SH2D4B: variants seen among roughly 807,000 people sequenced by gnomAD.
SH2D4B encodes the protein SH2 domain-containing protein 4B.
Under a neutral mutation model 61.5 loss-of-function variants are expected in SH2D4B, and 45 were observed. That is an observed-to-expected ratio of 0.73 (90% CI 0.58 to 0.94). The LOEUF is 0.94. Among genes scored for constraint, SH2D4B ranks in the 40% least tolerant of loss-of-function variants. The pLI is 0.00. For synonymous variants in SH2D4B, 224 were observed against 220.4 expected (o/e 1.02, Z -0.14); for missense variants, 572 against 574.2 (o/e 1.00, Z 0.04).
chr10:80,537,921 C>T lies in SH2D4B; in HGVS notation c.-411C>T, dbSNP rs975990443. 3 of 153,662 alleles carry T rather than the reference C, an allele frequency of 2.0e-5. No individual in the cohort carries two copies. The highest frequency in any genetic ancestry group is 7.2e-5 in the African/African-American group (3 of 41,538). 9.5% of individuals were successfully genotyped at this position (153,662 alleles called of 1,614,324 possible). A position where few individuals can be genotyped will look rare whatever the true frequency, so the allele number is the denominator to read the frequency against. On this transcript the variant is annotated 5_prime_UTR_variant, in exon 1 of 8. Coordinates refer to ENST00000646907, the MANE Select transcript of SH2D4B (RefSeq NM_001388272.1). ...CCTTCCACTAACAGATCACTCGACA[C>T]CTACCAGCCCAGGCAGGGCTGGGAC...
Position 80,540,756 on chromosome 10 carries a change from A to T in SH2D4B, c.184+2241A>T, listed in dbSNP as rs939495806. On this transcript the variant is annotated intron_variant, in intron 1 of 7. Coordinates refer to ENST00000646907, the MANE Select transcript of SH2D4B (RefSeq NM_001388272.1). ...GAATGGGGCAGTGCTTGTCCTGGAGACGGTGGGTAGATGGATCATAGGGAA... is the reference window on the plus strand; with the variant it reads ...GAATGGGGCAGTGCTTGTCCTGGAGTCGGTGGGTAGATGGATCATAGGGAA... 4 of 1,445,444 alleles carry T rather than the reference A, an allele frequency of 2.8e-6. No homozygotes were observed. The Admixed American group carries it at 6.1e-5, about 22-fold the overall frequency. The allele number at this position is 1,445,444 out of a possible 1,614,324, so 89.5% of individuals were successfully genotyped here.
At chr10:80,571,080 G>T (rs1842036202) in intron 2 of SH2D4B, among the ~76,000 whole-genome samples, 1 of 151,986 alleles carries the variant, frequency 6.6e-6, no homozygotes, top group Non-Finnish European at 1.5e-5. Context: ...ACACTATGTT[G>T]CCCAGGCTGG....
At chr10:80,627,543 C>G (rs1191157099) in intron 6 of SH2D4B, among the ~76,000 whole-genome samples, 2 of 152,060 alleles carry the variant, frequency 1.3e-5, no homozygotes, top group African/African-American at 4.8e-5. Flanking sequence ...GGCTCCAGAA[C>G]TGGGTGGGGT....
chr10:80,638,761 A>G (rs148951963), intron 7 of SH2D4B, among the ~76,000 whole-genome samples: 10,876 of 152,114 alleles, frequency 0.071, 464 homozygotes, highest in African/African-American at 0.099. Context: ...TGATTTTTTG[A>G]AGGGTTTTTT....
intron 3 of SH2D4B, among the ~76,000 whole-genome samples, chr10:80,586,281 G>C (rs991886371): frequency 2.6e-5 from 4 of 152,226 alleles, no homozygotes; most frequent in Admixed American, 1.3e-4. Context: ...GGACTGGCAG[G>C]CATCTCCACC....
At chr10:80,588,450 A>G (rs1182728066) in intron 3 of SH2D4B, among the ~76,000 whole-genome samples, 180 bp from the exon 4 acceptor site, 1 of 152,210 alleles carries the variant, frequency 6.6e-6, no homozygotes, top group Admixed American at 6.5e-5. Flanking sequence ...GCGTTTATCC[A>G]AAAACAACTG....
chr10:80,609,771 G>A (rs1015935971), intron 6 of SH2D4B, among the ~76,000 whole-genome samples: 1 of 152,148 alleles, frequency 6.6e-6, no homozygotes, highest in South Asian at 2.1e-4. Context: ...CATGGCTCTC[G>A]CCCACTGCTG....
chr10:80,587,368 C>T (rs1300942060), intron 3 of SH2D4B, among the ~76,000 whole-genome samples: 1 of 151,942 alleles, frequency 6.6e-6, no homozygotes, highest in African/African-American at 2.4e-5. Context: ...GCAACCTCCT[C>T]CTTCCGGTTC....
chr10:80,641,549 CA>C (rs1840310276), intron 7 of SH2D4B, among the ~76,000 whole-genome samples: 1 of 152,252 alleles, frequency 6.6e-6, no homozygotes, highest in Non-Finnish European at 1.5e-5. Flanking sequence ...ATTAGGAAAC[CA>C]GGGCTAAGTT....
chr10:80,598,156 G>A (rs1252789497), intron 4 of SH2D4B, among the ~76,000 whole-genome samples: 2 of 152,202 alleles, frequency 1.3e-5, no homozygotes, highest in Non-Finnish European at 2.9e-5. Context: ...TTGCTCAGTT[G>A]CTCAGTTTCC....
intron 1 of SH2D4B, among the ~76,000 whole-genome samples, chr10:80,542,516 G>T (rs1020418396): frequency 6.7e-6 from 1 of 150,300 alleles, no homozygotes; most frequent in Non-Finnish European, 1.5e-5. Flanking sequence ...TCCTGTCTCA[G>T]CCTCCCAAGT....
intron 1 of SH2D4B, among the ~76,000 whole-genome samples, chr10:80,542,581 A>G (rs1229813843): frequency 6.6e-6 from 1 of 151,690 alleles, no homozygotes; most frequent in Non-Finnish European, 1.5e-5. Flanking sequence ...TATTTAATAG[A>G]GACATGGTTT....
chr10:80,600,881 C>A (rs17107283), intron 4 of SH2D4B, among the ~76,000 whole-genome samples: 2 of 152,064 alleles, frequency 1.3e-5, no homozygotes, highest in East Asian at 3.9e-4. Flanking sequence ...AGTCACGGTC[C>A]TTGTAGGGCA....
At chr10:80,551,155 C>T (rs1841756643) in intron 1 of SH2D4B, among the ~76,000 whole-genome samples, 1 of 152,192 alleles carries the variant, frequency 6.6e-6, no homozygotes, top group African/African-American at 2.4e-5. Flanking sequence ...CGGGCTCACG[C>T]CATTCTCCTG....
chr10:80,589,797 T>C (rs542000371), intron 4 of SH2D4B, among the ~76,000 whole-genome samples: 38 of 152,180 alleles, frequency 2.5e-4, no homozygotes, highest in Non-Finnish European at 4.0e-4. Context: ...GGAAGGGCAC[T>C]GTAGGTAGAG....
chr10:80,587,674 G>T (rs1270721116), intron 3 of SH2D4B, among the ~76,000 whole-genome samples: 1 of 152,062 alleles, frequency 6.6e-6, no homozygotes, highest in East Asian at 1.9e-4. Context: ...TAAGGGTTAC[G>T]ATTGAACCCA....
intron 6 of SH2D4B, among the ~76,000 whole-genome samples, chr10:80,628,435 T>A (rs1369350993): frequency 2.0e-5 from 3 of 152,164 alleles, no homozygotes; most frequent in Non-Finnish European, 4.4e-5. Flanking sequence ...TCTGCCATGA[T>A]TGTGAGGCCT....
intron 6 of SH2D4B, among the ~76,000 whole-genome samples, chr10:80,626,617 G>A (rs80309344): frequency 0.032 from 4,858 of 152,186 alleles, 282 homozygotes; most frequent in African/African-American, 0.11. Flanking sequence ...TGCCCCATGG[G>A]TGTGTCATGC....
chr10:80,639,159 T>C (rs1280213328), intron 7 of SH2D4B, among the ~76,000 whole-genome samples: 9 of 152,226 alleles, frequency 5.9e-5, no homozygotes, highest in Non-Finnish European at 1.2e-4. Context: ...GACAGTTTGT[T>C]GTGATTTCTG....
Sources: allele counts gnomAD v4.1 joint callset (sites outside exome capture counted in the v4.1 genomes callset), GRCh38; gene constraint gnomAD v4.1.1; transcripts MANE v1.5; gene names NCBI Gene and HGNC (gene_info 2026-07-23, HGNC 2026-07-21).